Variants in RAB27B observed in about 807,000 individuals in gnomAD.
The protein encoded by RAB27B is ras-related protein Rab-27B.
Under a neutral mutation model 24.6 loss-of-function variants are expected in RAB27B, and 15 were observed. The ratio of observed to expected loss-of-function variants is 0.61; its 90% CI spans 0.41 to 0.94. RAB27B has a LOEUF of 0.94. Among genes scored for constraint, RAB27B ranks in the 40% least tolerant of loss-of-function variants. RAB27B has a pLI of 0.00. For synonymous variants in RAB27B, 105 were observed against 92.5 expected (o/e 1.14, Z -0.78); for missense variants, 261 against 266.8 (o/e 0.98, Z 0.15).
At chr18:54,884,517 C>G in intron 4 of RAB27B, 81 bp downstream of exon 4, 1 of 870,796 alleles carries the variant, frequency 1.1e-6, no homozygotes, top group Non-Finnish European at 1.9e-6. Flanking sequence ...AAGATGAAAC[C>G]AGATTGGGTA....
At chr18:54,726,340 G>C (rs1909536352) in intron 2 of RAB27B, among the ~76,000 whole-genome samples, 1 of 151,500 alleles carries the variant, frequency 6.6e-6, no homozygotes, top group Non-Finnish European at 1.5e-5. Context: ...TGGCCGAAGA[G>C]AATTTTGAAT....
intron 1 of RAB27B, among the ~76,000 whole-genome samples, chr18:54,837,562 G>C (rs1910944483): frequency 6.6e-6 from 1 of 152,054 alleles, no homozygotes; most frequent in Non-Finnish European, 1.5e-5. Flanking sequence ...TCAGGCTGGT[G>C]ATAATGACTG....
intron 2 of RAB27B, among the ~76,000 whole-genome samples, chr18:54,817,141 G>T (rs1233255134): frequency 6.6e-6 from 1 of 152,132 alleles, no homozygotes; most frequent in Non-Finnish European, 1.5e-5. Context: ...CCTTGCTAAG[G>T]ATGTGAAGGT....
chr18:54,826,330 G>T (rs1415866438), upstream of RAB27B, among the ~76,000 whole-genome samples: 1 of 152,144 alleles, frequency 6.6e-6, no homozygotes, highest in Non-Finnish European at 1.5e-5. Flanking sequence ...GTTTTCACTG[G>T]TTTTCCACTG....
At chr18:54,865,157 A>G (rs554357165) in intron 1 of RAB27B, among the ~76,000 whole-genome samples, 102 of 152,076 alleles carry the variant, frequency 6.7e-4, no homozygotes, top group African/African-American at 2.4e-3. Flanking sequence ...GCACTGTTTT[A>G]TCATTATTCT....
intron 3 of RAB27B, chr18:54,880,708 TGAA>T (rs1209628318): frequency 2.0e-5 from 3 of 152,148 alleles, no homozygotes; most frequent in Non-Finnish European, 4.4e-5. Flanking sequence ...AATTCATTTT[TGAA>T]GAAGTAATAT....
At chr18:54,840,571 A>C (rs1477006086) in intron 1 of RAB27B, among the ~76,000 whole-genome samples, 5 of 152,206 alleles carry the variant, frequency 3.3e-5, no homozygotes, top group Non-Finnish European at 5.9e-5. Flanking sequence ...TTTCTGGAGC[A>C]GCTACTGCTT....
At chr18:54,884,245 T>C in intron 3 of RAB27B, 88 bp from the exon 4 acceptor site, 3 of 798,934 alleles carry the variant, frequency 3.8e-6, no homozygotes, top group Non-Finnish European at 4.2e-6. Context: ...CACGGAGAAT[T>C]CATACCTGAA....
intron 2 of RAB27B, among the ~76,000 whole-genome samples, chr18:54,742,618 G>A (rs1397308069): frequency 6.6e-6 from 1 of 152,204 alleles, no homozygotes; most frequent in Non-Finnish European, 1.5e-5. Flanking sequence ...TATAAAGCAA[G>A]TAATTATGAG....
intron 1 of RAB27B, among the ~76,000 whole-genome samples, chr18:54,870,105 G>T (rs555366139): frequency 2.0e-5 from 3 of 152,166 alleles, no homozygotes; most frequent in Non-Finnish European, 4.4e-5. Flanking sequence ...AACATTTTAC[G>T]TTCTATGAAG....
chr18:54,819,198 A>T, intron 2 of RAB27B, among the ~76,000 whole-genome samples: 1 of 147,562 alleles, frequency 6.8e-6, no homozygotes, highest in South Asian at 2.1e-4. Context: ...TACTATAAAT[A>T]TTATATAATT....
intron 2 of RAB27B, among the ~76,000 whole-genome samples, chr18:54,760,368 T>C (rs1908145758): frequency 6.6e-6 from 1 of 152,116 alleles, no homozygotes; most frequent in Admixed American, 6.6e-5. Context: ...ATACTACATA[T>C]CTAGGTAGAG....
chr18:54,782,575 G>T (rs996124851), intron 2 of RAB27B, among the ~76,000 whole-genome samples: 18 of 152,178 alleles, frequency 1.2e-4, no homozygotes, highest in Non-Finnish European at 2.2e-4. Flanking sequence ...TGATATATTT[G>T]TGTCATTGAT....
At chr18:54,718,385 A>G (rs11873216) in intron 2 of RAB27B, among the ~76,000 whole-genome samples, 35,427 of 152,002 alleles carry the variant, frequency 0.23, 6,993 homozygotes, top group African/African-American at 0.54. Flanking sequence ...ACTGAGTTTG[A>G]ATGGGAAAGA....
intron 4 of RAB27B, chr18:54,885,927 G>A (rs1202712805): frequency 6.5e-6 from 1 of 153,612 alleles, no homozygotes; most frequent in Non-Finnish European, 1.4e-5. Context: ...AGCAAAGGGG[G>A]ACGTGCCACA....
At chr18:54,798,112 T>C (rs961188550) in intron 2 of RAB27B, among the ~76,000 whole-genome samples, 5 of 152,228 alleles carry the variant, frequency 3.3e-5, no homozygotes, top group African/African-American at 1.2e-4. Context: ...CTCTGATCTA[T>C]TCTCTTTCCT....
intron 2 of RAB27B, among the ~76,000 whole-genome samples, chr18:54,746,657 C>A (rs1910258554): frequency 6.6e-6 from 1 of 151,602 alleles, no homozygotes; most frequent in African/African-American, 2.4e-5. Flanking sequence ...GGCTCTAGTA[C>A]CTACCTGCTG....
chr18:54,752,023 T>C (rs574752753), intron 2 of RAB27B, among the ~76,000 whole-genome samples: 1 of 152,268 alleles, frequency 6.6e-6, no homozygotes, highest in Non-Finnish European at 1.5e-5. Context: ...GGCGTTATGG[T>C]AAGGAGCTAG....
chr18:54,871,803 T>C (rs1419486160), intron 1 of RAB27B, among the ~76,000 whole-genome samples: 1 of 147,754 alleles, frequency 6.8e-6, no homozygotes, highest in Non-Finnish European at 1.5e-5. Flanking sequence ...TGAGCCTTGA[T>C]TGGGCCACTG....
Sources: gnomAD v4.1 joint callset for allele counts (sites outside exome capture counted in the v4.1 genomes callset) on GRCh38, gnomAD v4.1.1 for gene constraint, MANE v1.5 for transcripts, NCBI Gene and HGNC (gene_info 2026-07-23, HGNC 2026-07-21) for gene names.